RILPL1: variants seen among roughly 807,000 people sequenced by gnomAD.
RILPL1 encodes the protein Rab interacting lysosomal protein like 1, also known as RILP-like protein 1.
RILPL1 carries 33 observed loss-of-function variants against 50.3 expected under a neutral mutation model. That is an observed-to-expected ratio of 0.66 (90% confidence interval 0.50 to 0.88). The LOEUF (loss-of-function observed/expected upper bound fraction) is 0.88. RILPL1 is among the 40% of genes least tolerant of loss of function. The probability of loss-of-function intolerance (pLI) is 0.00; values close to 1 mark genes in which losing one functional copy is unlikely to be tolerated. For missense variants in RILPL1, 418 were observed against 542.5 expected (o/e 0.77, Z 2.28); for synonymous variants, 205 against 228.6 (o/e 0.90, Z 0.93).
intron 2 of RILPL1, 143 bp downstream of exon 2, chr12:123,523,352 A>G (rs1489680720): frequency 1.8e-5 from 17 of 939,794 alleles, no homozygotes; most frequent in Non-Finnish European, 2.4e-5. Context: ...TTATGGTGCA[A>G]ATCAACACAA....
At chr12:123,527,357 G>A (rs150839663) in intron 1 of RILPL1, among the ~76,000 whole-genome samples, 79 of 150,950 alleles carry the variant, frequency 5.2e-4, no homozygotes, top group African/African-American at 1.9e-3. Context: ...AGGCTCTTGA[G>A]GCTGGGCATG....
In RILPL1 at chr12:123,526,351, G is replaced by A. The variant is rs192815952; in HGVS notation, c.310-2706C>T. ...AATAAATAAAAAATAAAATAAAATA[G>A]TGGTTCAAGGCATGGACACTGGAGC... On this transcript the variant is annotated intron_variant, in intron 1 of 6. Coordinates refer to ENST00000376874, the MANE Select transcript of RILPL1 (RefSeq NM_178314.5). 5.9e-3 allele frequency among the ~76,000 whole-genome samples: 866 copies of A among 145,996 alleles called. 3 individuals are homozygous for A. Among genetic ancestry groups the A allele is most frequent in the Non-Finnish European group, 9.0e-3 (592 of 65,418 alleles).
chr12:123,518,658 C>A (rs1230163529), intron 2 of RILPL1, among the ~76,000 whole-genome samples: 2 of 151,824 alleles, frequency 1.3e-5, no homozygotes, highest in African/African-American at 4.8e-5. Context: ...GAAAAAAATG[C>A]AAAATATCTC....
At chr12:123,525,515 T>C (rs1363977250) in intron 1 of RILPL1, among the ~76,000 whole-genome samples, 10 of 148,572 alleles carry the variant, frequency 6.7e-5, no homozygotes, top group African/African-American at 2.5e-4. Flanking sequence ...GCCTGACCAA[T>C]ATGGTGAAAC....
rs1443750605 is a variant in RILPL1 at position 123,472,531 on chromosome 12, G to A, written c.*7C>T. Reference sequence around the variant, plus strand: ...AGTCCAGGTTGGAGGGTGGAGATGGGCCAAGGTCACAGATGCTGCAGGGCT... The same window carrying A: ...AGTCCAGGTTGGAGGGTGGAGATGGACCAAGGTCACAGATGCTGCAGGGCT... On this transcript the variant is annotated 3_prime_UTR_variant, in exon 7 of 7. Coordinates refer to ENST00000376874, the MANE Select transcript of RILPL1 (RefSeq NM_178314.5). 4.5e-6 allele frequency: 7 copies of A among 1,550,650 alleles called. No homozygotes were observed. Among genetic ancestry groups the A allele is most frequent in the African/African-American group, 2.7e-5 (2 of 73,030 alleles).
Position 123,491,633 on chromosome 12 carries a change from G to T in RILPL1, c.802-5828C>A, listed in dbSNP as rs761031750. 9.2e-5 allele frequency among the ~76,000 whole-genome samples: 14 copies of T among 152,200 alleles called. No individual in the cohort carries two copies. The highest frequency in any genetic ancestry group is 1.5e-4 in the Non-Finnish European group (10 of 68,036). On this transcript the variant is annotated intron_variant, in intron 4 of 6. Transcript: ENST00000376874. The surrounding 1 kb of genome is among the most constrained non-coding windows in gnomAD (Gnocchi z 4.0). Reference sequence around the variant, plus strand: ...TAAATTCAATGCATAAATTCTGCCCGCCTTTCAGCCAGCATACGCCTGTCT... The same window carrying T: ...TAAATTCAATGCATAAATTCTGCCCTCCTTTCAGCCAGCATACGCCTGTCT...
intron 4 of RILPL1, among the ~76,000 whole-genome samples, chr12:123,487,309 CTTTTT>C (rs35920839): frequency 6.8e-6 from 1 of 146,740 alleles, no homozygotes; most frequent in Non-Finnish European, 1.5e-5. Flanking sequence ...GCACTTCACT[CTTTTT>C]TTTTTTGAGA....
intron 6 of RILPL1, among the ~76,000 whole-genome samples, chr12:123,482,618 CTCT>C (rs1882069098): frequency 6.7e-6 from 1 of 149,236 alleles, no homozygotes; most frequent in Admixed American, 6.7e-5. Context: ...CTCTCTCTCT[CTCT>C]TTTTTTTTTT....
intron 6 of RILPL1, chr12:123,474,386 C>T (rs1056950912): frequency 2.7e-4 from 41 of 152,296 alleles, no homozygotes; most frequent in African/African-American, 9.4e-4. Context: ...GAGTCTCGCT[C>T]TGTCATCCAG....
chr12:123,483,104 A>C (rs979555414), intron 6 of RILPL1, among the ~76,000 whole-genome samples: 3 of 152,344 alleles, frequency 2.0e-5, no homozygotes, highest in East Asian at 1.9e-4. Context: ...TGTTTTCACA[A>C]AGTTTCTTGT....
rs999466060 is a variant in RILPL1, at chr12:123,498,150, A to G, written c.801+394T>C. On this transcript the variant is annotated intron_variant, in intron 4 of 6. Coordinates refer to ENST00000376874, the MANE Select transcript of RILPL1 (RefSeq NM_178314.5). The surrounding 1 kb of genome is among the most constrained non-coding windows in gnomAD (Gnocchi z 4.3). Reference sequence around the variant, plus strand: ...AGAATGCTGGGAGTCTGGGGTTCCAACCCCTCAGCTGTGTGTCCTCAGGCC... The same window carrying G: ...AGAATGCTGGGAGTCTGGGGTTCCAGCCCCTCAGCTGTGTGTCCTCAGGCC... Among the ~76,000 whole-genome samples the G allele has an allele frequency of 5.3e-5, 8 of 151,422 alleles. No individual in the cohort carries two copies. The highest frequency in any genetic ancestry group is 1.7e-4 in the African/African-American group (7 of 41,176).
Position 123,533,267 on chromosome 12 carries a change from G to A in RILPL1, c.216C>T (p.His72=), listed in dbSNP as rs1013856397. The change falls in exon 1 of 7, where the codon CAC becomes CAT. Residue 72 remains histidine (H), a synonymous_variant. Coordinates refer to ENST00000376874, the MANE Select transcript of RILPL1 (RefSeq NM_178314.5). The surrounding 1 kb of genome is among the most constrained non-coding windows in gnomAD (Gnocchi z 6.2). ...EILEVLVSRH[H]VAPELDELRL... is the part of the protein sequence containing the mutation. The stretch of plus-strand genomic sequence containing the variant: ...GCAGCTCGTCCAGCTCGGGCGCGAC[G>A]TGGTGGCGGCTGACCAGCACCTCCA... 6.3e-6 allele frequency: 10 copies of A among 1,589,548 alleles called. No individual in the cohort carries two copies. The African/African-American group carries it at 1.2e-4, about 19-fold the overall frequency.
rs781769729 is a variant in RILPL1, at chr12:123,522,321, C to T, written c.460+1174G>A. 1.3e-5 allele frequency among the ~76,000 whole-genome samples: 2 copies of T among 152,306 alleles called. No homozygotes were observed. The highest frequency in any genetic ancestry group is 2.4e-5 in the African/African-American group (1 of 41,582). On this transcript the variant is annotated intron_variant, in intron 2 of 6. Coordinates refer to ENST00000376874, the MANE Select transcript of RILPL1 (RefSeq NM_178314.5). The surrounding 1 kb of genome is among the most constrained non-coding windows in gnomAD (Gnocchi z 4.0). ...ACAGCCCCGCCTGGCCCGAATCTTG[C>T]GGCCCATTTGTCCTTTTCCCAGCAC...
rs1329320408 is a variant in RILPL1 at position 123,522,915 on chromosome 12, C to CTGG, written c.460+579_460+580insCCA. 6.6e-6 allele frequency among the ~76,000 whole-genome samples: 1 copy of CTGG among 152,140 alleles called. No individual in the cohort carries two copies. The highest frequency in any genetic ancestry group is 1.5e-5 in the Non-Finnish European group (1 of 68,044). ...GCCTACACCGGCCTTCTTGGTTTCC[C>CTGG]CCAAATGCTCATGTCCCAGGGCCTT... On this transcript the variant is annotated intron_variant, in intron 2 of 6. Transcript: ENST00000376874. The surrounding 1 kb of genome is among the most constrained non-coding windows in gnomAD (Gnocchi z 4.0).
At chr12:123,527,792 GGAA>G (rs1294497462) in intron 1 of RILPL1, among the ~76,000 whole-genome samples, 1 of 152,082 alleles carries the variant, frequency 6.6e-6, no homozygotes, top group East Asian at 1.9e-4. Context: ...GAGGGAGATG[GGAA>G]GAAGCTACGC....
At chr12:123,493,693 G>A (rs1882841436) in intron 4 of RILPL1, among the ~76,000 whole-genome samples, 1 of 151,688 alleles carries the variant, frequency 6.6e-6, no homozygotes, top group African/African-American at 2.4e-5. Flanking sequence ...CTAGCTCACT[G>A]TTCCCTCTGC....
chr12:123,512,978 CTG>C (rs2139369137), intron 2 of RILPL1, among the ~76,000 whole-genome samples: 1 of 87,880 alleles, frequency 1.1e-5, no homozygotes, highest in South Asian at 3.6e-4. Context: ...TGTGTGAGGT[CTG>C]TGTGTGGTAT....
chr12:123,511,855 CTG>C (rs369494394), intron 2 of RILPL1, among the ~76,000 whole-genome samples: 1 of 79,054 alleles, frequency 1.3e-5, no homozygotes, highest in Non-Finnish European at 2.4e-5. Flanking sequence ...AGGTCTGTGT[CTG>C]TGTGTGGTGT....
chr12:123,530,062 C>T (rs976429630), intron 1 of RILPL1, among the ~76,000 whole-genome samples: 2 of 152,034 alleles, frequency 1.3e-5, no homozygotes, highest in Non-Finnish European at 2.9e-5. Context: ...AAAAAGAGTG[C>T]AGAATATCAA....
Sources: allele counts gnomAD v4.1 joint callset (sites outside exome capture counted in the v4.1 genomes callset), GRCh38; gene constraint gnomAD v4.1.1; non-coding constraint Gnocchi (gnomAD v3.1); transcripts MANE v1.5; gene names NCBI Gene and HGNC (gene_info 2026-07-23, HGNC 2026-07-21).